Variants in SQSTM1 observed in about 807,000 individuals in gnomAD.
The protein encoded by SQSTM1 is sequestosome-1.
In SQSTM1, 36 loss-of-function variants were observed where a neutral mutation model predicts 45.1. The observed-to-expected ratio is 0.80, with a 90% CI of 0.61 to 1.05. The LOEUF (loss-of-function observed/expected upper bound fraction) is 1.05, where lower values mean the gene tolerates loss of function less well. SQSTM1 is among the 50% of genes least tolerant of loss of function. The pLI is 0.00. For synonymous variants in SQSTM1, 290 were observed against 244.3 expected (o/e 1.19, Z -1.74); for missense variants, 617 against 607.1 (o/e 1.02, Z -0.17).
chr5:179,829,035 G>A (rs546775610), intron 5 of SQSTM1, among the ~76,000 whole-genome samples: 2 of 152,134 alleles, frequency 1.3e-5, no homozygotes, highest in African/African-American at 4.8e-5. Flanking sequence ...AGGAACAAGG[G>A]GGGAGGGTTG....
chr5:179,837,950 TGCCCTGCCTGG>T lies in SQSTM1; in HGVS notation c.*1361_*1371del. 1 of 1,496,132 alleles carries T rather than the reference TGCCCTGCCTGG, an allele frequency of 6.7e-7. No homozygotes were observed. The highest frequency in any genetic ancestry group is 9.0e-7 in the Non-Finnish European group (1 of 1,108,382). The allele number at this position is 1,496,132 out of a possible 1,614,324, so 92.7% of individuals were successfully genotyped here. On this transcript the variant is annotated 3_prime_UTR_variant, in exon 8 of 8. Transcript: ENST00000389805. ...AATGCCAGGGCCCAGGAGGACCGCC[TGCCCTGCCTGG>T]GCCTTGGCTGGGCCTCTGGTTCTGA...
At chr5:179,823,445 C>CAAAAAAAAAAAAAAAAAAAAAAAAA (rs59899831) in intron 2 of SQSTM1, 1 of 51,776 alleles carries the variant, frequency 1.9e-5, no homozygotes, top group African/African-American at 8.1e-5. Flanking sequence ...GCCTAGGCGA[C>CAAAAAAAAAAAAAAAAAAAAAAAAA]AAAAAAAAAA....
chr5:179,814,590 C>G (rs1275000291), upstream of SQSTM1, among the ~76,000 whole-genome samples: 1 of 152,170 alleles, frequency 6.6e-6, no homozygotes, highest in Non-Finnish European at 1.5e-5. Context: ...CAGGCATAAC[C>G]ATGTGGAAAT....
Position 179,837,575 on chromosome 5 carries a change from A to G in SQSTM1, c.*982A>G. ...GGGGTGTGTGGCCCGAGGAAGCTGGACAGCGGCAGTGGGCCTGCTGAGGCC... is the reference window on the plus strand; with the variant it reads ...GGGGTGTGTGGCCCGAGGAAGCTGGGCAGCGGCAGTGGGCCTGCTGAGGCC... On this transcript the variant is annotated 3_prime_UTR_variant, in exon 8 of 8. Coordinates refer to ENST00000389805, the MANE Select transcript of SQSTM1 (RefSeq NM_003900.5). The G allele has an allele frequency of 6.2e-7, 1 of 1,614,196 alleles. No individual in the cohort carries two copies. The highest frequency in any genetic ancestry group is 8.5e-7 in the Non-Finnish European group (1 of 1,180,000).
chr5:179,833,196 CTGGCGGAGCAGATGAGGAAGATCGCCT>C lies in SQSTM1; in HGVS notation c.923_949del (p.Ala308_Leu316del). ...GAATGTTGAGGGCGCCACGCAGTCTCTGGCGGAGCAGATGAGGAAGATCGCCTTGGAGTCCGAGGGGCGCCCTGAGGC... is the reference window on the plus strand; with the variant it reads ...GAATGTTGAGGGCGCCACGCAGTCTCTGGAGTCCGAGGGGCGCCCTGAGGC... On this transcript the variant is annotated inframe_deletion, in exon 6 of 8. Coordinates refer to ENST00000389805, the MANE Select transcript of SQSTM1 (RefSeq NM_003900.5). 1 of 1,613,030 alleles carries C rather than the reference CTGGCGGAGCAGATGAGGAAGATCGCCT, an allele frequency of 6.2e-7. No individual in the cohort carries two copies. Among genetic ancestry groups the C allele is most frequent in the Non-Finnish European group, 8.5e-7 (1 of 1,179,594 alleles).
At chr5:179,834,407 TTTTGTTTA>T (rs1432689441) in intron 7 of SQSTM1, among the ~76,000 whole-genome samples, 49 of 151,302 alleles carry the variant, frequency 3.2e-4, no homozygotes, top group African/African-American at 1.1e-3. Context: ...TAGTTCTTAT[TTTTGTTTA>T]TTTATTTATT....
Position 179,837,781 on chromosome 5 carries a change from C to T in SQSTM1, c.*1188C>T, listed in dbSNP as rs926131737. 29 of 1,614,108 alleles carry T rather than the reference C, an allele frequency of 1.8e-5. No individual in the cohort carries two copies. The highest frequency in any genetic ancestry group is 5.0e-5 in the Admixed American group (3 of 60,012). On this transcript the variant is annotated 3_prime_UTR_variant, in exon 8 of 8. Transcript: ENST00000389805. ...TAACCTGCTGGATGGGACTCCATAG[C>T]TCCTTCCCAGGACCCCTCAGCTCCC...
chr5:179,814,477 TAAC>T (rs1330731643), upstream of SQSTM1, among the ~76,000 whole-genome samples: 2 of 152,208 alleles, frequency 1.3e-5, no homozygotes, highest in African/African-American at 2.4e-5. Context: ...TATGCTGCTC[TAAC>T]AACCCCAAAT....
chr5:179,821,926 A>G lies in SQSTM1; in HGVS notation c.205+785A>G, dbSNP rs570114150. On this transcript the variant is annotated intron_variant, in intron 1 of 7. Coordinates refer to ENST00000389805, the MANE Select transcript of SQSTM1 (RefSeq NM_003900.5). ...CCTCCCTCTGGAGCGCTGCCAGCAT[A>G]CCAGGCCCTCTCCTATTCTTAAAAA... Among the ~76,000 whole-genome samples, 276 of 151,152 alleles carry G rather than the reference A, an allele frequency of 1.8e-3. 11 individuals are homozygous for G. In the South Asian group the frequency reaches 0.056, roughly 31 times the overall value.
upstream of SQSTM1, among the ~76,000 whole-genome samples, chr5:179,814,766 A>G (rs1247909214): frequency 6.6e-6 from 1 of 152,176 alleles, no homozygotes; most frequent in Non-Finnish European, 1.5e-5. Context: ...AATGCAGAAA[A>G]ATATTCAAGC....
chr5:179,807,444 T>C (rs1447498497), intron 1 of SQSTM1: 2 of 152,210 alleles, frequency 1.3e-5, no homozygotes, highest in African/African-American at 2.4e-5. Context: ...CTAGGCGGTA[T>C]CAGGGCCGAT....
intron 5 of SQSTM1, 28 bp from the exon 6 acceptor site, chr5:179,833,004 G>T (rs770466637): frequency 3.7e-6 from 6 of 1,613,268 alleles, no homozygotes; most frequent in South Asian, 3.3e-5. Context: ...GGAACTTCAC[G>T]GCTTGCTCTT....
chr5:179,837,486 C>T lies in SQSTM1; in HGVS notation c.*893C>T, dbSNP rs753168881. The T allele has an allele frequency of 1.5e-5, 24 of 1,614,130 alleles. No homozygotes were observed. The East Asian group carries it at 4.9e-4, about 33-fold the overall frequency. ...GCCTCCAGGACCAGGGGCCCACCCT[C>T]TGCCCAGGGAGTCCTTGCGTCCCAT... On this transcript the variant is annotated 3_prime_UTR_variant, in exon 8 of 8. Coordinates refer to ENST00000389805, the MANE Select transcript of SQSTM1 (RefSeq NM_003900.5).
In SQSTM1 at chr5:179,825,215, T is replaced by C. The variant is rs1444777885; in HGVS notation, c.743T>C (p.Leu248Pro). 1 of 1,613,902 alleles carries C rather than the reference T, an allele frequency of 6.2e-7. No homozygotes were observed. The highest frequency in any genetic ancestry group is 8.5e-7 in the Non-Finnish European group (1 of 1,179,960). The change falls in exon 5 of 8, where the codon CTT (leucine) becomes CCT (proline). Residue 248 changes from leucine to proline, a missense_variant. By Grantham distance (98) the Leu-to-Pro change is moderately conservative. Transcript: ENST00000389805. ...KNVGESVAAA[L>P]SPLGIEVDID... Reference sequence around the variant, plus strand: ...GTTGGGGAGAGTGTGGCAGCTGCCCTTAGCCCTCTGGGTGAGTGCACCTCC... The same window carrying C: ...GTTGGGGAGAGTGTGGCAGCTGCCCCTAGCCCTCTGGGTGAGTGCACCTCC...
upstream of SQSTM1, among the ~76,000 whole-genome samples, chr5:179,815,912 C>T (rs550434143): frequency 2.1e-4 from 32 of 151,562 alleles, no homozygotes; most frequent in South Asian, 5.4e-3. Flanking sequence ...ACAAAACTAC[C>T]TGAGCCCACA....
Position 179,836,674 on chromosome 5 carries a change from A to G in SQSTM1, c.*81A>G. The G allele has an allele frequency of 6.2e-7, 1 of 1,601,836 alleles. No individual in the cohort carries two copies. Among genetic ancestry groups the G allele is most frequent in the South Asian group, 1.1e-5 (1 of 90,844 alleles). On this transcript the variant is annotated 3_prime_UTR_variant, in exon 8 of 8. Coordinates refer to ENST00000389805, the MANE Select transcript of SQSTM1 (RefSeq NM_003900.5). ...CTTGCGTAGAATTGCAGGTCTCTGTACGGGCCAGTTTCTCTGCCTTCTTCC... is the reference window on the plus strand; with the variant it reads ...CTTGCGTAGAATTGCAGGTCTCTGTGCGGGCCAGTTTCTCTGCCTTCTTCC...
chr5:179,814,017 T>C (rs1264725256), upstream of SQSTM1, among the ~76,000 whole-genome samples: 1 of 152,148 alleles, frequency 6.6e-6, no homozygotes, highest in Non-Finnish European at 1.5e-5. Context: ...AAAATGTCTA[T>C]CGGGGTGGTG....
upstream of SQSTM1, chr5:179,819,120 C>G (rs1055490260): frequency 6.6e-6 from 1 of 152,322 alleles, no homozygotes; most frequent in Non-Finnish European, 1.5e-5. Context: ...GACTCACTGC[C>G]GGCCAGACCA....
At chr5:179,811,372 G>GGAGCTATGCAGGGGGAT (rs1757394956) in intron 1 of SQSTM1, among the ~76,000 whole-genome samples, 1 of 101,236 alleles carries the variant, frequency 9.9e-6, no homozygotes, top group African/African-American at 3.5e-5. Flanking sequence ...TGCAGGGGGA[G>GGAGCTATGCAGGGGGAT]GAGCATGCAG....
Sources: allele counts gnomAD v4.1 joint callset (sites outside exome capture counted in the v4.1 genomes callset), GRCh38; gene constraint gnomAD v4.1.1; transcripts MANE v1.5; gene names NCBI Gene and HGNC (gene_info 2026-07-23, HGNC 2026-07-21).